The following IL1RAPL2 variants were observed in gnomAD, a reference collection of about 807,000 sequenced individuals.
The protein encoded by IL1RAPL2 is X-linked interleukin-1 receptor accessory protein-like 2.
In IL1RAPL2, 3 loss-of-function variants were observed where a neutral mutation model predicts 44.1. The ratio of observed to expected loss-of-function variants is 0.07; its 90% CI spans 0.03 to 0.18. The LOEUF (loss-of-function observed/expected upper bound fraction) is 0.18, where lower values mean the gene tolerates loss of function less well. IL1RAPL2 is among the 10% of genes least tolerant of loss of function. IL1RAPL2 has a pLI of 1.00. For synonymous variants in IL1RAPL2, 181 were observed against 178.8 expected, an observed-to-expected ratio of 1.01 and a Z score of -0.10; for missense variants, 391 against 496.4, an observed-to-expected ratio of 0.79 and a Z score of 2.02.
intron 6 of IL1RAPL2, among the ~76,000 whole-genome samples, chrX:105,518,413 C>T (rs191837292): frequency 9.0e-6 from 1 of 111,344 alleles, no homozygotes; most frequent in African/African-American, 3.3e-5. Flanking sequence ...AGAAGGCATT[C>T]AATCATCAGT....
At position 105,696,548 on chromosome X, in the gene IL1RAPL2, C is replaced by CG. The variant is rs1556386606; in HGVS notation, c.773-20819_773-20818insG. ...TATAGGACACCACATCCACCCCCCC[C>CG]ACAAAAGTAATAAAATCGAGGGACT... On this transcript the variant is annotated intron_variant, in intron 6 of 10. Coordinates refer to ENST00000372582, the MANE Select transcript of IL1RAPL2 (RefSeq NM_017416.2). 2.7e-3 allele frequency among the ~76,000 whole-genome samples: 302 copies of CG among 111,602 alleles called. 1 individual carries two copies. The highest frequency in any genetic ancestry group is 9.1e-3 in the African/African-American group (281 of 30,740).
intron 2 of IL1RAPL2, among the ~76,000 whole-genome samples, chrX:104,736,588 C>A (rs1932017571): frequency 8.9e-6 from 1 of 112,142 alleles, no homozygotes; most frequent in Non-Finnish European, 1.9e-5. Flanking sequence ...TCTGCATTTC[C>A]TGGTGCTGCT....
intron 6 of IL1RAPL2, among the ~76,000 whole-genome samples, chrX:105,544,405 CTTTT>C (rs1054918729): frequency 3.6e-5 from 4 of 110,689 alleles, no homozygotes; most frequent in African/African-American, 1.3e-4. Context: ...TTCTTTCTTT[CTTTT>C]GATTCTTCTC....
chrX:104,925,821 C>T (rs1924760458), intron 2 of IL1RAPL2, among the ~76,000 whole-genome samples: 1 of 111,529 alleles, frequency 9.0e-6, no homozygotes, highest in African/African-American at 3.3e-5. Context: ...CACTCCTATT[C>T]AGCATAATAT....
intron 2 of IL1RAPL2, among the ~76,000 whole-genome samples, chrX:105,065,713 A>G (rs138378522): frequency 0.039 from 4,335 of 111,849 alleles, 224 homozygotes; most frequent in African/African-American, 0.13. Context: ...TGCCTATGCT[A>G]TTTTAAGAAA....
chrX:104,722,389 T>C (rs181264896), intron 2 of IL1RAPL2, among the ~76,000 whole-genome samples: 1 of 111,943 alleles, frequency 8.9e-6, no homozygotes, highest in African/African-American at 3.2e-5. Flanking sequence ...GGGTCATATA[T>C]AGAAACATGG....
intron 1 of IL1RAPL2, among the ~76,000 whole-genome samples, chrX:104,621,587 A>T (rs1394246022): frequency 2.7e-5 from 3 of 110,350 alleles, no homozygotes; most frequent in African/African-American, 9.9e-5. Context: ...TGCCCCACCC[A>T]TTATGGACAT....
Position 104,686,592 on chromosome X carries a change from T to C in IL1RAPL2, c.82+27597T>C, listed in dbSNP as rs776339189. 2.7e-5 allele frequency among the ~76,000 whole-genome samples: 3 copies of C among 112,194 alleles called. No individual in the cohort carries two copies. In the South Asian group the frequency reaches 1.1e-3, roughly 42 times the overall value. The stretch of plus-strand genomic sequence containing the variant: ...AATCACTGAATAGATAGGGTCCAGC[T>C]AGCTAAGTTTCCTGGTCAGCCCCTG... On this transcript the variant is annotated intron_variant, in intron 2 of 10. Coordinates refer to ENST00000372582, the MANE Select transcript of IL1RAPL2 (RefSeq NM_017416.2).
At chrX:105,645,323 A>G (rs1319891845) in intron 6 of IL1RAPL2, among the ~76,000 whole-genome samples, 1 of 111,351 alleles carries the variant, frequency 9.0e-6, no homozygotes, top group Admixed American at 9.6e-5. Context: ...CCTTCTCCCA[A>G]TACACTGTCA....
chrX:105,373,006 C>G (rs1050344581), intron 5 of IL1RAPL2, among the ~76,000 whole-genome samples: 1 of 112,406 alleles, frequency 8.9e-6, no homozygotes, highest in African/African-American at 3.2e-5. Flanking sequence ...TATGATAGAA[C>G]AATTTATATT....
chrX:105,158,123 C>T (rs1460351422), intron 2 of IL1RAPL2, among the ~76,000 whole-genome samples: 1 of 111,307 alleles, frequency 9.0e-6, no homozygotes, highest in African/African-American at 3.3e-5. Flanking sequence ...GGGCGGATCA[C>T]GAGGCGGGCG....
chrX:105,395,022 A>G (rs1197990307), intron 5 of IL1RAPL2, among the ~76,000 whole-genome samples: 1 of 111,553 alleles, frequency 9.0e-6, no homozygotes, highest in Non-Finnish European at 1.9e-5. Context: ...ATTATTTTAT[A>G]TGTGTTGGTT....
At chrX:105,075,501 C>A (rs1569375305) in intron 2 of IL1RAPL2, among the ~76,000 whole-genome samples, 1 of 111,377 alleles carries the variant, frequency 9.0e-6, no homozygotes, top group Non-Finnish European at 1.9e-5. Context: ...GTCTCAAATT[C>A]TCTTTTTTAG....
intron 5 of IL1RAPL2, among the ~76,000 whole-genome samples, chrX:105,415,016 G>A (rs2035722721): frequency 8.9e-6 from 1 of 111,828 alleles, no homozygotes; most frequent in Non-Finnish European, 1.9e-5. Context: ...GAAGATAAGG[G>A]GGAGGAAGAA....
intron 2 of IL1RAPL2, among the ~76,000 whole-genome samples, chrX:104,844,503 G>T (rs921872671): frequency 9.0e-6 from 1 of 110,852 alleles, no homozygotes; most frequent in Non-Finnish European, 1.9e-5. Context: ...TATTTACAGG[G>T]TTATCCAATT....
At chrX:104,945,377 C>T (rs1172970598) in intron 2 of IL1RAPL2, among the ~76,000 whole-genome samples, 1 of 111,062 alleles carries the variant, frequency 9.0e-6, no homozygotes, top group Admixed American at 9.6e-5. Context: ...AGTCTCTACA[C>T]CATGGATAAG....
At chrX:105,030,454 T>G (rs1239640446) in intron 2 of IL1RAPL2, among the ~76,000 whole-genome samples, 1 of 112,113 alleles carries the variant, frequency 8.9e-6, no homozygotes, top group Non-Finnish European at 1.9e-5. Context: ...AGTTTCAGCT[T>G]TCTATATATG....
intron 2 of IL1RAPL2, among the ~76,000 whole-genome samples, chrX:104,981,632 A>G (rs1238340184): frequency 2.7e-5 from 3 of 110,367 alleles, no homozygotes; most frequent in African/African-American, 9.9e-5. Flanking sequence ...AAATGGTGAG[A>G]GTGGGCATCT....
At chrX:105,710,954 TTATA>T (rs895517546) in intron 6 of IL1RAPL2, among the ~76,000 whole-genome samples, 1 of 105,151 alleles carries the variant, frequency 9.5e-6, no homozygotes, top group Non-Finnish European at 1.9e-5. Context: ...ATATATATAT[TTATA>T]TATATATGTG....
Sources: gnomAD v4.1 joint callset for allele counts (sites outside exome capture counted in the v4.1 genomes callset) on GRCh38, gnomAD v4.1.1 for gene constraint, MANE v1.5 for transcripts, NCBI Gene and HGNC (gene_info 2026-07-23, HGNC 2026-07-21) for gene names.